The following ATRX variants were observed in gnomAD, a reference collection of about 807,000 sequenced individuals.
The protein encoded by ATRX is chromatin remodeler ATRX.
ATRX carries 12 observed loss-of-function variants against 172.6 expected under a neutral mutation model. The ratio of observed to expected loss-of-function variants is 0.07; its 90% CI spans 0.04 to 0.11. The LOEUF (loss-of-function observed/expected upper bound fraction) is 0.11, where lower values mean the gene tolerates loss of function less well. Ranked by LOEUF, ATRX falls within the 10% of genes least tolerant of loss-of-function variation. ATRX has a pLI of 1.00. For synonymous variants in ATRX, 674 were observed against 594.7 expected (o/e 1.13, Z -1.94); for missense variants, 1,368 against 1,767.4 (o/e 0.77, Z 4.05).
chrX:77,652,368 C>T lies in ATRX; in HGVS notation c.4318-15G>A, dbSNP rs2148441028. 1 of 1,191,859 alleles carries T rather than the reference C, an allele frequency of 8.4e-7. No individual in the cohort carries two copies. Among genetic ancestry groups the T allele is most frequent in the South Asian group, 1.8e-5 (1 of 56,261 alleles). On this transcript the variant is annotated splice_polypyrimidine_tract_variant and intron_variant, in intron 14 of 34. Transcript: ENST00000373344. Reference sequence around the variant, plus strand: ...TCAGAATTACTCTACAGAATTTAAACAATTAGAGGTAAACAGTACAAAGTC... The same window carrying T: ...TCAGAATTACTCTACAGAATTTAAATAATTAGAGGTAAACAGTACAAAGTC...
chrX:77,735,654 C>A (rs2074520552), intron 1 of ATRX, among the ~76,000 whole-genome samples: 1 of 86,427 alleles, frequency 1.2e-5, no homozygotes, highest in Non-Finnish European at 2.3e-5. Context: ...ATACAAAAAT[C>A]AGACGGGCAT....
chrX:77,732,239 G>A (rs1464782874), intron 1 of ATRX, among the ~76,000 whole-genome samples: 1 of 111,297 alleles, frequency 9.0e-6, no homozygotes, highest in Non-Finnish European at 1.9e-5. Context: ...CTGTGTCAGT[G>A]CCCCCACCAG....
intron 28 of ATRX, 99 bp downstream of exon 28, chrX:77,574,151 G>C: frequency 3.3e-6 from 2 of 606,277 alleles, no homozygotes; most frequent in Non-Finnish European, 2.6e-6. Flanking sequence ...CCTTGCATTT[G>C]CTAAAAACAT....
chrX:77,674,835 C>T (rs1370096585), intron 10 of ATRX: 2 of 111,167 alleles, frequency 1.8e-5, no homozygotes, highest in African/African-American at 3.3e-5. Context: ...TGTAAAATCC[C>T]TGATGAATAA....
At chrX:77,730,943 C>T (rs999226883) in intron 1 of ATRX, among the ~76,000 whole-genome samples, 2 of 109,804 alleles carry the variant, frequency 1.8e-5, no homozygotes, top group East Asian at 5.7e-4. Flanking sequence ...CAAGAGTAAA[C>T]CAACCCCAAA....
intron 12 of ATRX, among the ~76,000 whole-genome samples, chrX:77,659,482 T>TAC (rs72145948): frequency 0.12 from 10,452 of 88,326 alleles, 530 homozygotes; most frequent in Middle Eastern, 0.19. Flanking sequence ...TTTCTCTCTC[T>TAC]ACACACACAC....
rs2069567425 is a variant in ATRX, at chrX:77,656,582, C to G, written c.4192G>C (p.Asp1398His). The G allele has an allele frequency of 1.7e-6, 2 of 1,208,666 alleles. No homozygotes were observed. Among genetic ancestry groups the G allele is most frequent in the Non-Finnish European group, 2.2e-6 (2 of 893,803 alleles). The change falls in exon 13 of 35, where the codon GAT (aspartate) becomes CAT (histidine). Residue 1398 changes from aspartate (D) to histidine (H), a missense_variant. By Grantham distance (81) the Asp-to-His change is moderately conservative. This residue lies in a region of ATRX where 119 missense variants were observed against 131.3 expected (regional missense o/e 0.91). Transcript: ENST00000373344. ...TACCTTGTTCTGGGCCGCTGTTCAT[C>G]TTCGGATTCACTAACTTCTTCACTA... ...GVSEEVSESEDEQRPRTRSAK... is the reference protein window; with the variant it reads ...GVSEEVSESEHEQRPRTRSAK...
At position 77,505,939 on chromosome X, in the gene ATRX, A is replaced by C; in HGVS notation, c.*2412T>G. The C allele has an allele frequency of 1.2e-5, 2 of 170,662 alleles. No homozygotes were observed. The highest frequency in any genetic ancestry group is 2.3e-5 in the Non-Finnish European group (2 of 88,089). The allele number at this position is 170,662 out of a possible 1,213,427, so 14.1% of individuals were successfully genotyped here. A position where few individuals can be genotyped will look rare whatever the true frequency, so the allele number is the denominator to read the frequency against. On this transcript the variant is annotated 3_prime_UTR_variant, in exon 35 of 35. Transcript: ENST00000373344. ...ATACAGAACTGAAAAGCAGTCTAAC[A>C]GAAACAAAGGCAAGTCTTCACAGCT...
chrX:77,748,459 TA>T (rs1557186070), intron 1 of ATRX, among the ~76,000 whole-genome samples: 2 of 112,403 alleles, frequency 1.8e-5, no homozygotes, highest in African/African-American at 6.5e-5. Context: ...TTTTATACTT[TA>T]TACCTTTAAA....
rs2063221857 is a variant in ATRX, at chrX:77,521,266, TATCC to T, written c.7071+133_7071+136del. ...AAATTGCTGGGTTACGGTTTGGCAT[TATCC>T]ATCCATTTTACCAGTATTTTACTAT... On this transcript the variant is annotated intron_variant, in intron 33 of 34. Coordinates refer to ENST00000373344, the MANE Select transcript of ATRX (RefSeq NM_000489.6). 4.7e-5 allele frequency: 25 copies of T among 531,146 alleles called. No individual in the cohort carries two copies. The East Asian group carries it at 9.2e-4, about 19-fold the overall frequency. The allele number at this position is 531,146 out of a possible 1,213,427, so 43.8% of individuals were successfully genotyped here. A position where few individuals can be genotyped will look rare whatever the true frequency, so the allele number is the denominator to read the frequency against.
chrX:77,508,346 C>G lies in ATRX; in HGVS notation c.*5G>C. The G allele has an allele frequency of 8.3e-7, 1 of 1,210,167 alleles. No homozygotes were observed. Among genetic ancestry groups the G allele is most frequent in the South Asian group, 1.8e-5 (1 of 56,927 alleles). On this transcript the variant is annotated 3_prime_UTR_variant, in exon 35 of 35. Transcript: ENST00000373344. ...TTAACAATCCATTAAGCTTTTAGTG[C>G]AAAATCACATTGATTTCCCTTGGGA...
chrX:77,606,225 A>G (rs2066897978), intron 22 of ATRX, among the ~76,000 whole-genome samples: 1 of 110,558 alleles, frequency 9.0e-6, no homozygotes, highest in Non-Finnish European at 1.9e-5. Context: ...GTACCCCTGA[A>G]CCTAAAATGA....
intron 1 of ATRX, among the ~76,000 whole-genome samples, chrX:77,735,134 C>T (rs1288405098): frequency 4.5e-5 from 5 of 110,716 alleles, no homozygotes; most frequent in East Asian, 2.8e-4. Context: ...TAAATGGTGC[C>T]GGGAAAACTG....
At chrX:77,778,270 T>C (rs2076427782) in intron 1 of ATRX, among the ~76,000 whole-genome samples, 1 of 110,046 alleles carries the variant, frequency 9.1e-6, no homozygotes, top group Admixed American at 9.8e-5. Flanking sequence ...TAGCTGGGCA[T>C]AGTGGCACAT....
intron 30 of ATRX, among the ~76,000 whole-genome samples, chrX:77,549,193 T>G (rs375121623): frequency 9.0e-6 from 1 of 111,358 alleles, no homozygotes; most frequent in Non-Finnish European, 1.9e-5. Context: ...GAGACCAGCC[T>G]GGCCAACATG....
At chrX:77,578,919 A>G (rs782686749) in intron 27 of ATRX, among the ~76,000 whole-genome samples, 44 of 111,497 alleles carry the variant, frequency 3.9e-4, no homozygotes, top group Non-Finnish European at 7.7e-4. Flanking sequence ...ACTGCCCTGA[A>G]GGGTGAGTCT....
intron 30 of ATRX, among the ~76,000 whole-genome samples, chrX:77,549,990 A>AAATG (rs1569521366): frequency 9.9e-4 from 110 of 110,881 alleles, no homozygotes; most frequent in African/African-American, 3.5e-3. Context: ...GAAATGAAAT[A>AAATG]AAATAAAATA....
chrX:77,514,994 A>G (rs972566319), intron 34 of ATRX, among the ~76,000 whole-genome samples: 3 of 112,561 alleles, frequency 2.7e-5, no homozygotes, highest in Non-Finnish European at 5.6e-5. Context: ...CGTGGCCAAC[A>G]ATCATATGAA....
intron 6 of ATRX, among the ~76,000 whole-genome samples, chrX:77,689,225 G>A (rs184425068): frequency 3.5e-4 from 39 of 111,888 alleles, no homozygotes; most frequent in African/African-American, 9.7e-4. Flanking sequence ...TAGGGGCCAA[G>A]AGCTCTTATT....
Sources: gnomAD v4.1 joint callset for allele counts (sites outside exome capture counted in the v4.1 genomes callset) on GRCh38, gnomAD v4.1.1 for gene constraint, gnomAD v4.1.1 regional missense constraint, MANE v1.5 for transcripts, NCBI Gene and HGNC (gene_info 2026-07-23, HGNC 2026-07-21) for gene names.